NISCH: variants seen among roughly 807,000 people sequenced by gnomAD.
The protein encoded by NISCH is I-1 receptor candidate protein.
In NISCH, 55 loss-of-function variants were observed where a neutral mutation model predicts 138.4. The observed-to-expected ratio is 0.40, with a 90% CI of 0.32 to 0.50. The LOEUF is 0.50. NISCH is among the 20% of genes least tolerant of loss of function. The pLI, the probability that NISCH is intolerant of heterozygous loss-of-function variation, is 0.71. For synonymous variants in NISCH, 860 were observed against 861.5 expected, an observed-to-expected ratio of 1.00 and a Z score of 0.03; for missense variants, 1,643 against 2,005.5, an observed-to-expected ratio of 0.82 and a Z score of 3.45.
chr3:52,484,228 G>A, intron 13 of NISCH: 1 of 368,854 alleles, frequency 2.7e-6, no homozygotes. Context: ...TGTGTCTGTG[G>A]AAGTTTAATT....
intron 1 of NISCH, among the ~76,000 whole-genome samples, chr3:52,456,254 G>A (rs939309751): frequency 6.6e-6 from 1 of 152,046 alleles, no homozygotes; most frequent in Non-Finnish European, 1.5e-5. Flanking sequence ...GTGCAGGAGA[G>A]ACCTGGGGAG....
chr3:52,482,398 C>G (rs893250152), intron 13 of NISCH, among the ~76,000 whole-genome samples: 4 of 152,102 alleles, frequency 2.6e-5, no homozygotes, highest in Admixed American at 6.6e-5. Flanking sequence ...TAGGGGTGGT[C>G]GCCAGAGTTG....
chr3:52,478,618 G>A (rs1255223576), intron 11 of NISCH, 41 bp downstream of exon 11: 8 of 1,590,270 alleles, frequency 5.0e-6, no homozygotes, highest in African/African-American at 2.7e-5. Flanking sequence ...GGAGACCTTC[G>A]GGATGCAGTC....
intron 1 of NISCH, 116 bp from the exon 2 acceptor site, chr3:52,457,727 A>G (rs182412424): frequency 1.2e-6 from 1 of 837,728 alleles, no homozygotes; most frequent in East Asian, 2.5e-5. Flanking sequence ...TGAGTTGCAG[A>G]GAGAAAGACT....
chr3:52,471,623 CAT>C, intron 4 of NISCH, 189 bp from the exon 5 acceptor site: 1 of 619,296 alleles, frequency 1.6e-6, no homozygotes, highest in South Asian at 2.0e-5. Flanking sequence ...TCTGTCATCA[CAT>C]GTCTAGGGTT....
chr3:52,490,967 G>GGAGGAAGCAGCTT, intron 19 of NISCH, 134 bp downstream of exon 19: 1 of 1,258,790 alleles, frequency 7.9e-7, no homozygotes, highest in Non-Finnish European at 1.1e-6. Flanking sequence ...AACCGGGGTG[G>GGAGGAAGCAGCTT]GAGGAAGCAG....
At chr3:52,480,381 C>T (rs1433673894) in intron 13 of NISCH, 86 bp downstream of exon 13, 19 of 1,575,044 alleles carry the variant, frequency 1.2e-5, no homozygotes, top group Non-Finnish European at 1.6e-5. Context: ...GGAGAGGTGC[C>T]AGCACCTGCT....
At chr3:52,457,997 C>A in intron 2 of NISCH, 71 bp downstream of exon 2, 1 of 1,216,802 alleles carries the variant, frequency 8.2e-7, no homozygotes, top group Non-Finnish European at 1.2e-6. Context: ...CATTGTGCCA[C>A]ATATTAGTTT....
intron 3 of NISCH, among the ~76,000 whole-genome samples, chr3:52,461,235 A>G (rs1051017751): frequency 2.0e-5 from 3 of 152,204 alleles, no homozygotes; most frequent in Non-Finnish European, 2.9e-5. Context: ...CTCTGTCTCA[A>G]AGAAAAAAAC....
chr3:52,477,931 G>C (rs1707152202), intron 9 of NISCH, 166 bp from the exon 10 acceptor site: 1 of 748,534 alleles, frequency 1.3e-6, no homozygotes, highest in Admixed American at 2.5e-5. Context: ...ACTGTGCTGT[G>C]GCATGTGCGG....
chr3:52,472,848 C>G (rs1324573096), intron 6 of NISCH, among the ~76,000 whole-genome samples: 2 of 152,250 alleles, frequency 1.3e-5, no homozygotes, highest in Non-Finnish European at 2.9e-5. Flanking sequence ...CTACTGGACT[C>G]TTTGGTTTGC....
intron 14 of NISCH, among the ~76,000 whole-genome samples, chr3:52,485,373 T>TC (rs1707376790): frequency 6.6e-6 from 1 of 152,184 alleles, no homozygotes; most frequent in African/African-American, 2.4e-5. Context: ...CCCTAGGTAT[T>TC]CCCCAGTGCA....
intron 3 of NISCH, among the ~76,000 whole-genome samples, chr3:52,467,587 A>G (rs1385854989): frequency 6.6e-6 from 1 of 152,228 alleles, no homozygotes; most frequent in Non-Finnish European, 1.5e-5. Context: ...CAGCCTGGAA[A>G]ACCAAGTAGA....
rs1707099781 is a variant in NISCH at position 52,476,478 on chromosome 3, A to G, written c.797A>G (p.Asp266Gly). 1.9e-6 allele frequency: 3 copies of G among 1,613,978 alleles called. No homozygotes were observed. The highest frequency in any genetic ancestry group is 2.5e-6 in the Non-Finnish European group (3 of 1,180,002). ...EVLVPEASEF[D>G]EWEPEGTTLE... is the part of the protein sequence containing the mutation. ...CTTGTTCCTGAAGCCTCAGAATTTG[A>G]TGAGTGGGAGCCTGAAGGCACAACC... is the stretch of plus-strand genomic sequence containing the variant. Residue 266 changes from aspartate (D) to glycine (G), a missense_variant, in exon 8 of 21, where the codon GAT becomes GGT. Physicochemically the swap from Asp to Gly is moderately conservative, Grantham distance 94 (BLOSUM62 -1). Coordinates refer to ENST00000345716, the MANE Select transcript of NISCH (RefSeq NM_007184.4).
In NISCH at chr3:52,458,686, A is replaced by T; in HGVS notation, c.202A>T (p.Lys68Ter). The T allele has an allele frequency of 6.2e-7, 1 of 1,613,112 alleles. No homozygotes were observed. Among genetic ancestry groups the T allele is most frequent in the Non-Finnish European group, 8.5e-7 (1 of 1,179,778 alleles). ...GCTCGTTGCAGAGAGAAAGATTGAT[A>T]AAAATCTGCTTCCGCCCAAAAAGAT... ...EKLVAERKID[K>*]NLLPPKKIIG... The change falls in exon 3 of 21, where the codon AAA (lysine) becomes TAA (stop). Residue 68 changes from lysine (K) to a stop codon, truncating the protein, a stop_gained. Coordinates refer to ENST00000345716, the MANE Select transcript of NISCH (RefSeq NM_007184.4). LOFTEE classifies it high-confidence loss of function.
chr3:52,461,480 A>G (rs2153230715), intron 3 of NISCH, among the ~76,000 whole-genome samples: 1 of 152,270 alleles, frequency 6.6e-6, no homozygotes, highest in Admixed American at 6.5e-5. Context: ...TTTCGTAAAC[A>G]TATTTTTATA....
intron 13 of NISCH, among the ~76,000 whole-genome samples, chr3:52,482,345 C>T (rs866663441): frequency 3.3e-5 from 5 of 152,218 alleles, no homozygotes; most frequent in Non-Finnish European, 7.3e-5. Context: ...CCCAGCCTCC[C>T]GTCGTGGCAG....
chr3:52,457,724 CAGAG>C, intron 1 of NISCH, 115 bp from the exon 2 acceptor site: 1 of 822,576 alleles, frequency 1.2e-6, no homozygotes, highest in Non-Finnish European at 2.1e-6. Context: ...GTCTGAGTTG[CAGAG>C]AGAAAGACTG....
At chr3:52,491,822 CCCA>C in intron 20 of NISCH, 47 bp from the exon 21 acceptor site, 1 of 1,527,496 alleles carries the variant, frequency 6.5e-7, no homozygotes, top group Non-Finnish European at 8.8e-7. Flanking sequence ...TGCTCCCAGC[CCCA>C]CCAGGGGCCG....
Sources: gnomAD v4.1 joint callset for allele counts (sites outside exome capture counted in the v4.1 genomes callset) on GRCh38, gnomAD v4.1.1 for gene constraint, MANE v1.5 for transcripts, NCBI Gene and HGNC (gene_info 2026-07-23, HGNC 2026-07-21) for gene names.